COL4A4: variants seen among roughly 807,000 people sequenced by gnomAD.
The protein encoded by COL4A4 is collagen alpha-4(IV) chain.
In COL4A4, 105 loss-of-function variants were observed where a neutral mutation model predicts 192.9. The observed-to-expected ratio is 0.54, with a 90% CI of 0.46 to 0.64. The LOEUF (loss-of-function observed/expected upper bound fraction) is 0.64. COL4A4 is among the 30% of genes least tolerant of loss of function. The probability of loss-of-function intolerance (pLI) is 0.00; values close to 1 mark genes in which losing one functional copy is unlikely to be tolerated. For synonymous variants in COL4A4, 762 were observed against 769.9 expected, an observed-to-expected ratio of 0.99 and a Z score of 0.17; for missense variants, 1,967 against 2,169.3, an observed-to-expected ratio of 0.91 and a Z score of 1.85.
chr2:227,044,082 AG>A (rs1350889753), intron 35 of COL4A4, among the ~76,000 whole-genome samples: 4 of 152,238 alleles, frequency 2.6e-5, no homozygotes, highest in African/African-American at 9.6e-5. Context: ...TTTCTAGAAC[AG>A]ACCATTCAAC....
At chr2:227,163,416 G>A (rs1279981228) in intron 1 of COL4A4, among the ~76,000 whole-genome samples, 2 of 152,246 alleles carry the variant, frequency 1.3e-5, no homozygotes, top group East Asian at 3.8e-4. Flanking sequence ...ACCTGTGTTA[G>A]TTACTATATC....
intron 25 of COL4A4, 149 bp downstream of exon 25, chr2:227,077,745 A>T (rs2059109905): frequency 1.4e-6 from 1 of 702,770 alleles, no homozygotes; most frequent in Non-Finnish European, 2.3e-6. Flanking sequence ...TAGGGATACA[A>T]AAATCTACAC....
chr2:227,034,927 T>C (rs931081216), intron 37 of COL4A4, among the ~76,000 whole-genome samples: 1 of 152,040 alleles, frequency 6.6e-6, no homozygotes, highest in African/African-American at 2.4e-5. Flanking sequence ...TAGTATTCCA[T>C]GGTGTATAGA....
At chr2:227,108,737 T>C (rs1017650022) in intron 11 of COL4A4, 96 bp downstream of exon 11, 4 of 1,526,750 alleles carry the variant, frequency 2.6e-6, no homozygotes, top group Non-Finnish European at 2.7e-6. Flanking sequence ...CTTTGGGAAG[T>C]CTGATAAGAG....
chr2:227,041,841 A>AG (rs1559477882), intron 37 of COL4A4, among the ~76,000 whole-genome samples: 32 of 73,166 alleles, frequency 4.4e-4, no homozygotes, highest in Admixed American at 1.2e-3. Context: ...AGAAAGAAAG[A>AG]AAGAAAGAGA....
intron 26 of COL4A4, among the ~76,000 whole-genome samples, chr2:227,061,186 T>TTGA (rs1976926040): frequency 6.6e-6 from 1 of 152,212 alleles, no homozygotes; most frequent in South Asian, 2.1e-4. Flanking sequence ...CAAACTTTTT[T>TTGA]TTATCCACCC....
Position 227,059,587 on chromosome 2 carries a change from C to T in COL4A4, c.2201G>A (p.Gly734Asp). Residue 734 changes from glycine (G) to aspartate (D), a missense_variant, in exon 28 of 48, where the codon GGT becomes GAT. Transcript: ENST00000396625. Reference protein sequence around the residue: ...RGDMGDPGFGGEKGSSPVGPP... With the variant: ...RGDMGDPGFGDEKGSSPVGPP... Reference sequence around the variant, plus strand: ...CCCAACAGGGGAGGACCCCTTTTCACCTCCAAAACCCGGATCTCCCATGTC... The same window carrying T: ...CCCAACAGGGGAGGACCCCTTTTCATCTCCAAAACCCGGATCTCCCATGTC... 3 of 1,614,102 alleles carry T rather than the reference C, an allele frequency of 1.9e-6. No homozygotes were observed. Among genetic ancestry groups the T allele is most frequent in the South Asian group, 2.2e-5 (2 of 91,086 alleles).
intron 4 of COL4A4, among the ~76,000 whole-genome samples, chr2:227,137,796 T>A (rs1213258217): frequency 2.6e-5 from 4 of 152,180 alleles, no homozygotes; most frequent in African/African-American, 9.7e-5. Context: ...ATCAAATCTA[T>A]TTATCTTGGT....
At chr2:227,110,680 C>CTTT (rs34785989) in intron 9 of COL4A4, among the ~76,000 whole-genome samples, 2,021 of 94,238 alleles carry the variant, frequency 0.021, 72 homozygotes, top group African/African-American at 0.047. Context: ...CTCACCCAGT[C>CTTT]TTTTTTTTTT....
the COL4A4 span, among the ~76,000 whole-genome samples, chr2:226,987,104 G>A: frequency 1.3e-5 from 2 of 152,112 alleles, no homozygotes; most frequent in African/African-American, 2.4e-5. Flanking sequence ...GCATGTTCTC[G>A]CTCATAAGTG....
At chr2:227,031,849 G>C (rs1968486577) in intron 40 of COL4A4, 96 bp downstream of exon 40, 2 of 906,084 alleles carry the variant, frequency 2.2e-6, no homozygotes, top group Non-Finnish European at 3.6e-6. Context: ...CTGCTTCAGT[G>C]CTTCTATTCT....
At chr2:227,086,169 G>A (rs1289440631) in intron 22 of COL4A4, among the ~76,000 whole-genome samples, 1 of 152,182 alleles carries the variant, frequency 6.6e-6, no homozygotes, top group African/African-American at 2.4e-5. Context: ...GGCAATGAAT[G>A]CAAAGACTTG....
At chr2:227,038,904 T>C (rs1005973035) in intron 37 of COL4A4, among the ~76,000 whole-genome samples, 1 of 152,234 alleles carries the variant, frequency 6.6e-6, no homozygotes, top group African/African-American at 2.4e-5. Flanking sequence ...CTTTTCAGAA[T>C]GTATTTCACT....
Position 227,022,463 on chromosome 2 carries a change from G to A in COL4A4, c.4091-290C>T, listed in dbSNP as rs748332140. ...GCAGAAGTATGAAACAGTGAAGGTC[G>A]GATGATGCAGCAACGTGATGACCCT... On this transcript the variant is annotated intron_variant, in intron 43 of 47. Transcript: ENST00000396625. 23 of 625,390 alleles carry A rather than the reference G, an allele frequency of 3.7e-5. No individual in the cohort carries two copies. In the East Asian group the frequency reaches 4.9e-4, roughly 13 times the overall value. 38.7% of individuals were successfully genotyped at this position (625,390 alleles called of 1,614,324 possible).
chr2:227,141,799 C>T (rs1370846189), intron 3 of COL4A4, among the ~76,000 whole-genome samples: 3 of 151,422 alleles, frequency 2.0e-5, no homozygotes, highest in Non-Finnish European at 4.4e-5. Context: ...AGTTAAACAC[C>T]CTGATAAGGT....
At chr2:227,054,776 T>C in intron 30 of COL4A4, 39 bp from the exon 31 acceptor site, 3 of 1,579,780 alleles carry the variant, frequency 1.9e-6, no homozygotes, top group Non-Finnish European at 2.6e-6. Context: ...GAAAATATTT[T>C]ATTTGTTATT....
Position 227,131,195 on chromosome 2 carries a change from G to A in COL4A4, c.192+8966C>T, listed in dbSNP as rs184949076. Among the ~76,000 whole-genome samples the A allele has an allele frequency of 2.4e-3, 341 of 142,472 alleles. 2 individuals carry two copies. Among genetic ancestry groups the A allele is most frequent in the Non-Finnish European group, 2.7e-3 (180 of 66,680 alleles). The allele number at this position is 142,472 out of a possible 152,430, so 93.5% of individuals were successfully genotyped here. On this transcript the variant is annotated intron_variant, in intron 4 of 47. Coordinates refer to ENST00000396625, the MANE Select transcript of COL4A4 (RefSeq NM_000092.5). ...TTTTAAGATGGAGTCTCACTCTGTC[G>A]CCCAGGCTGGAGTGCAGTGGCACGA...
the COL4A4 span, among the ~76,000 whole-genome samples, chr2:226,978,165 C>T: frequency 6.6e-6 from 1 of 152,208 alleles, no homozygotes; most frequent in Non-Finnish European, 1.5e-5. Flanking sequence ...TCCATAGAAA[C>T]AATTCTAGAA....
At chr2:226,969,511 G>A in the COL4A4 span, among the ~76,000 whole-genome samples, 1 of 150,944 alleles carries the variant, frequency 6.6e-6, no homozygotes, top group Non-Finnish European at 1.5e-5. Flanking sequence ...TAGGGAAAGG[G>A]AGTTAAACTA....
Sources: allele counts gnomAD v4.1 joint callset (sites outside exome capture counted in the v4.1 genomes callset), GRCh38; gene constraint gnomAD v4.1.1; transcripts MANE v1.5; gene names NCBI Gene and HGNC (gene_info 2026-07-23, HGNC 2026-07-21).